Variants in NCOR2 observed in about 807,000 individuals in gnomAD.
NCOR2 encodes the protein nuclear receptor corepressor 2, also known as CTG repeat protein 26.
NCOR2 carries 81 observed loss-of-function variants against 262.9 expected under a neutral mutation model. That is an observed-to-expected ratio of 0.31 (90% confidence interval 0.26 to 0.37). NCOR2 has a LOEUF of 0.37. NCOR2 is among the 10% of genes least tolerant of loss of function. The pLI is 1.00. For synonymous variants in NCOR2, 1,659 were observed against 1,559.3 expected (o/e 1.06, Z -1.51); for missense variants, 3,385 against 3,621.4 (o/e 0.93, Z 1.68).
At chr12:124,349,201 G>T (rs537167218) in intron 28 of NCOR2, among the ~76,000 whole-genome samples, 1 of 152,222 alleles carries the variant, frequency 6.6e-6, no homozygotes, top group African/African-American at 2.4e-5. Flanking sequence ...CAGGCAGAGA[G>T]GTGAACAGAC....
intron 3 of NCOR2, among the ~76,000 whole-genome samples, chr12:124,479,923 A>G (rs966454663): frequency 2.6e-5 from 4 of 152,236 alleles, no homozygotes; most frequent in Non-Finnish European, 5.9e-5. Flanking sequence ...TCACAGACCC[A>G]GCCTCCTTGG....
At chr12:124,539,080 G>T (rs566264236), upstream of NCOR2, 1 of 152,188 alleles carries the variant, frequency 6.6e-6, no homozygotes, top group South Asian at 2.1e-4. The surrounding 1 kb of genome is among the most constrained non-coding windows in gnomAD (Gnocchi z 5.1). Context: ...GGCTGCCCGC[G>T]AGCGGCCAGG....
At chr12:124,407,416 G>C (rs2042336105) in intron 13 of NCOR2, among the ~76,000 whole-genome samples, 1 of 152,258 alleles carries the variant, frequency 6.6e-6, no homozygotes, top group Non-Finnish European at 1.5e-5. Context: ...TGCCTACCAA[G>C]TGGCACTTTG....
At chr12:124,356,557 G>A in intron 23 of NCOR2, 85 bp downstream of exon 25, 1 of 1,181,764 alleles carries the variant, frequency 8.5e-7, no homozygotes, top group Non-Finnish European at 1.1e-6. Context: ...AGATGCTTCT[G>A]TGTGCAGCTC....
chr12:124,496,152 C>T (rs531502266), upstream of NCOR2, among the ~76,000 whole-genome samples: 1 of 152,176 alleles, frequency 6.6e-6, no homozygotes, highest in Admixed American at 6.5e-5. This position sits in a 1 kb window ranked among gnomAD's most constrained non-coding sequence, Gnocchi z 4.4. Flanking sequence ...AACAGCCCCA[C>T]AGAGAAGACA....
intron 16 of NCOR2, 31 bp downstream of exon 18, chr12:124,398,088 A>G: frequency 1.2e-6 from 2 of 1,613,810 alleles, no homozygotes; most frequent in Non-Finnish European, 1.7e-6. Flanking sequence ...ATGCAAACCA[A>G]CAAGGCTTAA....
rs865960735 is a variant in NCOR2, at chr12:124,558,511, C to T, written c.-165+8797G>A. On this transcript the variant is annotated intron_variant, in intron 1 of 32. Transcript: ENST00000458234. ...GGGACTGTGGGTACAGGATGACAGC[C>T]AGAGAGCAGGCAGGAGGCGGCTGCA... Among the ~76,000 whole-genome samples, 6 of 152,210 alleles carry T rather than the reference C, an allele frequency of 3.9e-5. No homozygotes were observed. The South Asian group carries it at 1.0e-3, about 26-fold the overall frequency.
intron 11 of NCOR2, among the ~76,000 whole-genome samples, chr12:124,423,554 G>A (rs1477669788): frequency 6.6e-6 from 1 of 152,230 alleles, no homozygotes; most frequent in African/African-American, 2.4e-5. Flanking sequence ...TCCCTGGCCT[G>A]GGATCCCACC....
At chr12:124,400,451 C>T (rs758030664) in intron 15 of NCOR2, 50 bp downstream of exon 17, 17 of 1,588,794 alleles carry the variant, frequency 1.1e-5, no homozygotes, top group Admixed American at 3.4e-5. Flanking sequence ...GAGCGCAACC[C>T]GCCGTGTCTC....
At chr12:124,522,682 A>T (rs769155747) in intron 1 of NCOR2, among the ~76,000 whole-genome samples, 1 of 152,242 alleles carries the variant, frequency 6.6e-6, no homozygotes, top group Non-Finnish European at 1.5e-5. Context: ...CCACTACCAA[A>T]GCCAAGACCT....
chr12:124,354,450 T>G (rs773544585), intron 26 of NCOR2, 28 bp downstream of exon 28: 1 of 1,474,626 alleles, frequency 6.8e-7, no homozygotes, highest in South Asian at 1.3e-5. Flanking sequence ...GGGCAGATGC[T>G]GGGGGCCCAG....
intron 1 of NCOR2, among the ~76,000 whole-genome samples, chr12:124,542,029 C>A (rs1411294743): frequency 6.6e-6 from 1 of 151,682 alleles, no homozygotes; most frequent in Non-Finnish European, 1.5e-5. Flanking sequence ...CAGTGTGGGG[C>A]AGGGCCAGCG....
At chr12:124,437,098 T>C (rs1004314148) in intron 8 of NCOR2, among the ~76,000 whole-genome samples, 1 of 151,442 alleles carries the variant, frequency 6.6e-6, no homozygotes, top group Admixed American at 6.6e-5. Flanking sequence ...AAATAAATAA[T>C]AAATAAATAA....
At chr12:124,357,846 G>GTC (rs2038082825) in intron 22 of NCOR2, among the ~76,000 whole-genome samples, 1 of 151,818 alleles carries the variant, frequency 6.6e-6, no homozygotes, top group South Asian at 2.1e-4. Context: ...ATGTGTGTGT[G>GTC]AGTGCATGGA....
At chr12:124,556,927 G>T (rs966667591) in intron 1 of NCOR2, among the ~76,000 whole-genome samples, 1 of 152,178 alleles carries the variant, frequency 6.6e-6, no homozygotes, top group Non-Finnish European at 1.5e-5. Flanking sequence ...GAGTGCTCCG[G>T]CAGGGTGAGT....
rs2041136658 is a variant in NCOR2 at position 124,389,666 on chromosome 12, C to A, written c.1877-3779G>T. 6.6e-6 allele frequency among the ~76,000 whole-genome samples: 1 copy of A among 152,066 alleles called. No homozygotes were observed. Among genetic ancestry groups the A allele is most frequent in the South Asian group, 2.1e-4 (1 of 4,820 alleles). ...CCCTCTGTCGGGGACTGTGGGTGGG[C>A]AGGGCTAGCCTCGCATTCCGGAGGG... is the stretch of plus-strand genomic sequence containing the variant. On this transcript the variant is annotated intron_variant, in intron 16 of 46. Transcript: ENST00000405201. The surrounding 1 kb of genome is among the most constrained non-coding windows in gnomAD (Gnocchi z 4.4).
At position 124,429,458 on chromosome 12, in the gene NCOR2, G is replaced by A. The variant is rs186849525; in HGVS notation, c.1149+155C>T. 5 of 733,872 alleles carry A rather than the reference G, an allele frequency of 6.8e-6. No homozygotes were observed. The Admixed American group carries it at 7.0e-5, about 10-fold the overall frequency. 45.5% of individuals were successfully genotyped at this position (733,872 alleles called of 1,614,324 possible). ...TGCTCGCCCCTGCAGGCCTGGGACG[G>A]GTACCTCAATACCCACCTTGATTCC... On this transcript the variant is annotated intron_variant, in intron 10 of 46. Coordinates refer to ENST00000405201, the Ensembl canonical transcript of NCOR2.
exon 33 of NCOR2, chr12:124,343,165 G>T (rs2228588): frequency 1.2e-6 from 2 of 1,610,518 alleles, no homozygotes; most frequent in Admixed American, 3.3e-5. Flanking sequence ...GGGACTTGGC[G>T]ATCTCACGAG....
rs539958034 is a variant in NCOR2, at chr12:124,401,005, G to C, written c.1641-332C>G. The stretch of plus-strand genomic sequence containing the variant: ...GGACTGCTTGAGCCCAGGAGTTTAA[G>C]ACCAGCCTGGGCAACACAGCAAGAC... On this transcript the variant is annotated intron_variant, in intron 14 of 46. Transcript: ENST00000405201. 4.6e-5 allele frequency among the ~76,000 whole-genome samples: 7 copies of C among 152,244 alleles called. No homozygotes were observed. In the East Asian group the frequency reaches 9.6e-4, roughly 21 times the overall value.
Sources: gnomAD v4.1 joint callset for allele counts (sites outside exome capture counted in the v4.1 genomes callset) on GRCh38, gnomAD v4.1.1 for gene constraint, Gnocchi (gnomAD v3.1) non-coding constraint, MANE v1.5 for transcripts, NCBI Gene and HGNC (gene_info 2026-07-23, HGNC 2026-07-21) for gene names.